Variants in SLIT2 observed in about 807,000 individuals in gnomAD.
SLIT2 encodes slit guidance ligand 2.
In SLIT2, 41 loss-of-function variants were observed where a neutral mutation model predicts 185.7. The observed-to-expected ratio is 0.22, with a 90% CI of 0.17 to 0.29. The LOEUF (loss-of-function observed/expected upper bound fraction) is 0.29. Among genes scored for constraint, SLIT2 ranks in the 10% least tolerant of loss-of-function variants. SLIT2 has a pLI of 1.00. For synonymous variants in SLIT2, 693 were observed against 680.2 expected, an observed-to-expected ratio of 1.02 and a Z score of -0.29; for missense variants, 1,571 against 1,909.0, an observed-to-expected ratio of 0.82 and a Z score of 3.30.
chr4:20,502,859 A>C (rs1223863413), intron 9 of SLIT2, among the ~76,000 whole-genome samples: 3 of 152,194 alleles, frequency 2.0e-5, no homozygotes, highest in African/African-American at 7.2e-5. Context: ...GGTGGTTTGA[A>C]AGAAAGGAGC....
intron 4 of SLIT2, among the ~76,000 whole-genome samples, chr4:20,466,268 C>G (rs1714341621): frequency 6.6e-6 from 1 of 151,976 alleles, no homozygotes; most frequent in Non-Finnish European, 1.5e-5. Flanking sequence ...GGAAGGAAGT[C>G]AGTCTAAATC....
Position 20,253,460 on chromosome 4 carries a change from G to C in SLIT2, c.-356G>C. ...AACCGGCCCCTGCATCTTAGCAGCC[G>C]TTGGAAGCCCCAGCTCTTTTACCGC... On this transcript the variant is annotated 5_prime_UTR_variant, in exon 1 of 37. Coordinates refer to ENST00000504154, the MANE Select transcript of SLIT2 (RefSeq NM_004787.4). 3.4e-6 allele frequency: 1 copy of C among 290,862 alleles called. No individual in the cohort carries two copies. Among genetic ancestry groups the C allele is most frequent in the South Asian group, 6.3e-5 (1 of 15,990 alleles). 18.0% of individuals were successfully genotyped at this position (290,862 alleles called of 1,614,324 possible). A position where few individuals can be genotyped will look rare whatever the true frequency, so the allele number is the denominator to read the frequency against.
chr4:20,299,470 A>T (rs957821313), intron 4 of SLIT2, among the ~76,000 whole-genome samples: 4 of 152,130 alleles, frequency 2.6e-5, no homozygotes, highest in African/African-American at 4.8e-5. Context: ...GATATTATAT[A>T]CCTCATTTGA....
chr4:20,478,548 A>G (rs1276667908), intron 5 of SLIT2, among the ~76,000 whole-genome samples: 1 of 152,204 alleles, frequency 6.6e-6, no homozygotes, highest in Non-Finnish European at 1.5e-5. Context: ...CCCTTTGTGT[A>G]TTGTGTGCAT....
chr4:20,306,128 A>C (rs1322354633), intron 4 of SLIT2, among the ~76,000 whole-genome samples: 1 of 152,108 alleles, frequency 6.6e-6, no homozygotes, highest in Non-Finnish European at 1.5e-5. Flanking sequence ...GTGAAAGATA[A>C]TGAAAGCCTT....
intron 21 of SLIT2, 44 bp downstream of exon 21, chr4:20,542,670 A>C: frequency 6.2e-7 from 1 of 1,603,130 alleles, no homozygotes; most frequent in Non-Finnish European, 8.5e-7. Context: ...TTCCTTGATG[A>C]TAAATGTTTC....
intron 33 of SLIT2, among the ~76,000 whole-genome samples, chr4:20,602,527 T>A (rs1031995856): frequency 6.6e-6 from 1 of 152,288 alleles, no homozygotes; most frequent in South Asian, 2.1e-4. Flanking sequence ...AGAATGGTTG[T>A]TTCCAAAAGT....
At chr4:20,327,297 C>T (rs1296276263) in intron 4 of SLIT2, among the ~76,000 whole-genome samples, 4 of 152,024 alleles carry the variant, frequency 2.6e-5, no homozygotes, top group Non-Finnish European at 5.9e-5. Context: ...CCCCTTCCAA[C>T]TGCTTATTTA....
At chr4:20,618,680 C>T in intron 36 of SLIT2, 88 bp from the exon 37 acceptor site, 1 of 1,356,336 alleles carries the variant, frequency 7.4e-7, no homozygotes. Context: ...GAAGCAAAGG[C>T]TTCTGAATTA....
At chr4:20,279,424 C>T (rs1319924013) in intron 4 of SLIT2, among the ~76,000 whole-genome samples, 1 of 152,184 alleles carries the variant, frequency 6.6e-6, no homozygotes, top group Non-Finnish European at 1.5e-5. Context: ...CTCCTTCCTC[C>T]TCATATGGGC....
chr4:20,525,708 C>T (rs977900033), intron 15 of SLIT2, among the ~76,000 whole-genome samples: 1 of 151,988 alleles, frequency 6.6e-6, no homozygotes, highest in African/African-American at 2.4e-5. Context: ...ACAGCAACTC[C>T]CTGCTGAATT....
intron 30 of SLIT2, among the ~76,000 whole-genome samples, chr4:20,594,058 T>C (rs766956140): frequency 6.7e-6 from 1 of 148,550 alleles, no homozygotes. Flanking sequence ...GTACATATTC[T>C]GCAAAGCCTG....
intron 30 of SLIT2, among the ~76,000 whole-genome samples, 163 bp downstream of exon 30, chr4:20,589,900 C>CTTTTTTTT (rs34384249): frequency 2.5e-4 from 21 of 84,490 alleles, no homozygotes; most frequent in African/African-American, 5.3e-4. Context: ...ACAATATGGA[C>CTTTTTTTT]TTTTTTTTTT....
chr4:20,508,363 T>C (rs1285233307), intron 9 of SLIT2, among the ~76,000 whole-genome samples: 2 of 152,062 alleles, frequency 1.3e-5, no homozygotes, highest in Admixed American at 1.3e-4. Context: ...TAACTAAGCA[T>C]TGTTAATATC....
Position 20,528,500 on chromosome 4 carries a change from T to G in SLIT2, c.1463-449T>G. 1 of 364,678 alleles carries G rather than the reference T, an allele frequency of 2.7e-6. No homozygotes were observed. Among genetic ancestry groups the G allele is most frequent in the South Asian group, 2.2e-5 (1 of 46,250 alleles). The allele number at this position is 364,678 out of a possible 1,614,324, so 22.6% of individuals were successfully genotyped here. ...AGATTATGTGAGAGGGAGAGAATAG[T>G]AAAAAGTCCATAGAAAATTTAAAAG... On this transcript the variant is annotated intron_variant, in intron 15 of 36. Coordinates refer to ENST00000504154, the MANE Select transcript of SLIT2 (RefSeq NM_004787.4). This position sits in a 1 kb window ranked among gnomAD's most constrained non-coding sequence, Gnocchi z 4.2.
Position 20,582,803 on chromosome 4 carries a change from A to G in SLIT2, c.3089-6841A>G, listed in dbSNP as rs541899685. 1.1e-4 allele frequency among the ~76,000 whole-genome samples: 16 copies of G among 152,136 alleles called. No homozygotes were observed. The South Asian group carries it at 2.3e-3, about 22-fold the overall frequency. ...GCTTGTCCAAATTACCAACATCACTACTCTTGCACTTTGGGGCCATTATTA... is the reference window on the plus strand; with the variant it reads ...GCTTGTCCAAATTACCAACATCACTGCTCTTGCACTTTGGGGCCATTATTA... On this transcript the variant is annotated intron_variant, in intron 29 of 36. Transcript: ENST00000504154.
intron 4 of SLIT2, among the ~76,000 whole-genome samples, chr4:20,359,432 A>C (rs555026254): frequency 2.8e-4 from 42 of 152,124 alleles, no homozygotes; most frequent in South Asian, 4.1e-4. Flanking sequence ...TTCAATACAG[A>C]GATCTACTAA....
At chr4:20,385,687 C>T (rs766742984) in intron 4 of SLIT2, among the ~76,000 whole-genome samples, 21 of 152,264 alleles carry the variant, frequency 1.4e-4, no homozygotes, top group Non-Finnish European at 2.5e-4. Context: ...AGAGCACATA[C>T]CAGCACTTAG....
chr4:20,340,153 T>C (rs969323113), intron 4 of SLIT2, among the ~76,000 whole-genome samples: 1 of 152,216 alleles, frequency 6.6e-6, no homozygotes, highest in Non-Finnish European at 1.5e-5. Flanking sequence ...GAACATGAGA[T>C]GTTTTGATAC....
Sources: allele counts gnomAD v4.1 joint callset (sites outside exome capture counted in the v4.1 genomes callset), GRCh38; gene constraint gnomAD v4.1.1; non-coding constraint Gnocchi (gnomAD v3.1); transcripts MANE v1.5; gene names NCBI Gene and HGNC (gene_info 2026-07-23, HGNC 2026-07-21).